Variants in ROBO2 observed in about 807,000 individuals in gnomAD.
ROBO2 encodes roundabout homolog 2.
In ROBO2, 53 loss-of-function variants were observed where a neutral mutation model predicts 160.8. The observed-to-expected ratio is 0.33, with a 90% CI of 0.26 to 0.41. ROBO2 has a LOEUF of 0.41. Ranked by LOEUF, ROBO2 falls within the 10% of genes least tolerant of loss-of-function variation. The pLI, the probability that ROBO2 is intolerant of heterozygous loss-of-function variation, is 1.00. For missense variants in ROBO2, 1,577 were observed against 1,722.4 expected, an observed-to-expected ratio of 0.92 and a Z score of 1.49; for synonymous variants, 664 against 611.7, an observed-to-expected ratio of 1.09 and a Z score of -1.26.
At position 76,433,934 on chromosome 3, in the gene ROBO2, C is replaced by A. The variant is rs976771295; in HGVS notation, c.109+496332C>A. On this transcript the variant is annotated intron_variant, in intron 2 of 26. Coordinates refer to the ROBO2 transcript ENST00000487694. ...CCATTTGTGATTTGAATTTATTTAT[C>A]CATCTTGGGATTCTACTCCAATACA... The A allele has an allele frequency of 1.8e-5, 12 of 651,952 alleles. No homozygotes were observed. The African/African-American group carries it at 2.2e-4, about 12-fold the overall frequency. 40.4% of individuals were successfully genotyped at this position (651,952 alleles called of 1,614,324 possible). A position where few individuals can be genotyped will look rare whatever the true frequency, so the allele number is the denominator to read the frequency against.
At chr3:77,150,515 A>T (rs545505419) in intron 2 of ROBO2, among the ~76,000 whole-genome samples, 15 of 152,210 alleles carry the variant, frequency 9.9e-5, no homozygotes, top group Non-Finnish European at 1.8e-4. Flanking sequence ...TTAAGCAGTG[A>T]TTCTTTTCTT....
At chr3:76,881,153 A>C (rs1210046302) in intron 2 of ROBO2, among the ~76,000 whole-genome samples, 1 of 152,182 alleles carries the variant, frequency 6.6e-6, no homozygotes, top group African/African-American at 2.4e-5. Context: ...CATTTTCTAC[A>C]ATTAACCACA....
At chr3:77,024,698 A>G (rs545636668) in intron 2 of ROBO2, among the ~76,000 whole-genome samples, 1 of 152,330 alleles carries the variant, frequency 6.6e-6, no homozygotes, top group South Asian at 2.1e-4. Context: ...TCTACTTTGC[A>G]TAATAATAAA....
rs1321755666 is a variant in ROBO2, at chr3:76,395,597, A to G, written c.109+457995A>G. ...TAGCAAGACTAATAAAGAAAAAAAG[A>G]GAGAAGAATCAAATAGACGCAATAA... On this transcript the variant is annotated intron_variant, in intron 2 of 26. Transcript: ENST00000487694. Among the ~76,000 whole-genome samples the G allele has an allele frequency of 3.3e-5, 5 of 151,548 alleles. 1 individual carries two copies. Among genetic ancestry groups the G allele is most frequent in the South Asian group, 2.1e-4 (1 of 4,772 alleles).
At chr3:76,077,455 C>G (rs890207005) in intron 2 of ROBO2, among the ~76,000 whole-genome samples, 1 of 152,006 alleles carries the variant, frequency 6.6e-6, no homozygotes, top group African/African-American at 2.4e-5. Context: ...CCCAGGTACT[C>G]AGGAGGCTGA....
intron 2 of ROBO2, among the ~76,000 whole-genome samples, chr3:76,962,159 A>G (rs2079712026): frequency 6.6e-6 from 1 of 152,106 alleles, no homozygotes; most frequent in Non-Finnish European, 1.5e-5. Context: ...ACATGCCACA[A>G]CCCTGTCTCT....
chr3:76,845,933 T>A, intron 2 of ROBO2, among the ~76,000 whole-genome samples: 1 of 152,084 alleles, frequency 6.6e-6, no homozygotes, highest in Non-Finnish European at 1.5e-5. Context: ...AAGTCACTGA[T>A]TAAAATGCTC....
chr3:77,460,213 G>A (rs1482422911), intron 2 of ROBO2, among the ~76,000 whole-genome samples: 1 of 152,108 alleles, frequency 6.6e-6, no homozygotes, highest in African/African-American at 2.4e-5. Context: ...TGGTGTGAGT[G>A]TGTTCATGGG....
chr3:77,477,919 C>T (rs141195982), intron 3 of ROBO2, among the ~76,000 whole-genome samples: 2,621 of 150,732 alleles, frequency 0.017, 72 homozygotes, highest in African/African-American at 0.059. Context: ...CTCTGCCTCC[C>T]GGTTTCAAGT....
chr3:76,122,894 A>C (rs995896964), intron 2 of ROBO2, among the ~76,000 whole-genome samples: 1 of 151,990 alleles, frequency 6.6e-6, no homozygotes, highest in Non-Finnish European at 1.5e-5. Context: ...TCAACCCTGG[A>C]TTGCCACCAC....
At chr3:76,665,911 A>G (rs1423431464) in intron 2 of ROBO2, among the ~76,000 whole-genome samples, 3 of 141,644 alleles carry the variant, frequency 2.1e-5, no homozygotes, top group East Asian at 2.0e-4. Flanking sequence ...TATATAATAT[A>G]CACATATTTT....
intron 2 of ROBO2, among the ~76,000 whole-genome samples, chr3:77,292,286 A>G (rs1174898562): frequency 6.6e-6 from 1 of 151,460 alleles, no homozygotes; most frequent in African/African-American, 2.4e-5. Context: ...TAGATCACCC[A>G]GACATAAAGT....
intron 2 of ROBO2, among the ~76,000 whole-genome samples, chr3:75,962,207 G>A (rs1033980619): frequency 7.9e-5 from 12 of 151,744 alleles, no homozygotes; most frequent in East Asian, 3.9e-4. Context: ...AGAAGGAAAC[G>A]ACTTTATGAT....
At chr3:76,930,297 A>G (rs1188934868) in intron 2 of ROBO2, among the ~76,000 whole-genome samples, 1 of 152,102 alleles carries the variant, frequency 6.6e-6, no homozygotes, top group Non-Finnish European at 1.5e-5. Flanking sequence ...GTGAGTCACC[A>G]TGCCCGGCCT....
At chr3:76,839,373 A>C (rs1354261705) in intron 2 of ROBO2, among the ~76,000 whole-genome samples, 1 of 152,164 alleles carries the variant, frequency 6.6e-6, no homozygotes, top group Non-Finnish European at 1.5e-5. Flanking sequence ...CAATTTATTG[A>C]GTTCATGAGG....
intron 2 of ROBO2, among the ~76,000 whole-genome samples, chr3:76,683,504 A>G (rs1458993570): frequency 1.3e-5 from 2 of 149,092 alleles, no homozygotes; most frequent in East Asian, 3.9e-4. Context: ...TGCATGTGTC[A>G]TCTGGTGTCT....
chr3:76,386,962 C>T (rs769748840), intron 2 of ROBO2, among the ~76,000 whole-genome samples: 1 of 152,136 alleles, frequency 6.6e-6, no homozygotes, highest in Non-Finnish European at 1.5e-5. Context: ...ACTCAGTCTA[C>T]TCCTGCTGCT....
chr3:77,138,404 G>C (rs559649022), intron 2 of ROBO2, among the ~76,000 whole-genome samples: 4 of 152,106 alleles, frequency 2.6e-5, no homozygotes, highest in Non-Finnish European at 5.9e-5. Flanking sequence ...TAGTAGTTTA[G>C]ATGCCGTGGT....
At chr3:76,073,502 A>G (rs1182284931) in intron 2 of ROBO2, among the ~76,000 whole-genome samples, 3 of 151,700 alleles carry the variant, frequency 2.0e-5, no homozygotes, top group East Asian at 3.9e-4. Context: ...CTTGTTAGCC[A>G]GGATGGTCTC....
Sources: gnomAD v4.1 joint callset for allele counts (sites outside exome capture counted in the v4.1 genomes callset) on GRCh38, gnomAD v4.1.1 for gene constraint, MANE v1.5 for transcripts, NCBI Gene and HGNC (gene_info 2026-07-23, HGNC 2026-07-21) for gene names.